Variants in PAQR5 observed in about 807,000 individuals in gnomAD.
PAQR5 encodes progestin and adipoQ receptor family member 5.
PAQR5 carries 20 observed loss-of-function variants against 34.5 expected under a neutral mutation model. The ratio of observed to expected loss-of-function variants is 0.58; its 90% CI spans 0.41 to 0.84. The LOEUF (loss-of-function observed/expected upper bound fraction) is 0.84. PAQR5 is among the 40% of genes least tolerant of loss of function. The probability of loss-of-function intolerance (pLI) is 0.00; values close to 1 mark genes in which losing one functional copy is unlikely to be tolerated. For missense variants in PAQR5, 378 were observed against 412.7 expected, an observed-to-expected ratio of 0.92 and a Z score of 0.73; for synonymous variants, 131 against 155.6, an observed-to-expected ratio of 0.84 and a Z score of 1.18.
intron 1 of PAQR5, among the ~76,000 whole-genome samples, chr15:69,322,744 A>G (rs994725125): frequency 0.028 from 1,101 of 39,636 alleles, 154 homozygotes; most frequent in African/African-American, 0.043. Flanking sequence ...GAAGAAGAAG[A>G]AGAAGAAGAA....
intron 2 of PAQR5, among the ~76,000 whole-genome samples, chr15:69,354,413 A>G (rs571245930): frequency 3.2e-4 from 49 of 152,312 alleles, no homozygotes; most frequent in East Asian, 1.7e-3. Context: ...TTGACCTTGT[A>G]TCAGTAGTTA....
chr15:69,396,346 C>A (rs941099581), intron 6 of PAQR5, among the ~76,000 whole-genome samples: 3 of 151,854 alleles, frequency 2.0e-5, no homozygotes, highest in Non-Finnish European at 4.4e-5. Flanking sequence ...GGAGCCACAG[C>A]AGGACACAGA....
intron 2 of PAQR5, among the ~76,000 whole-genome samples, chr15:69,355,618 A>C (rs1180643643): frequency 2.0e-5 from 3 of 151,816 alleles, no homozygotes; most frequent in Non-Finnish European, 4.4e-5. Context: ...ACAGGGTTTC[A>C]CCATGTTGGT....
At chr15:69,353,436 T>C (rs1354964394) in intron 2 of PAQR5, among the ~76,000 whole-genome samples, 1 of 152,270 alleles carries the variant, frequency 6.6e-6, no homozygotes, top group African/African-American at 2.4e-5. Flanking sequence ...AAACTCATTT[T>C]ACAGCCAAAG....
chr15:69,341,247 T>C (rs1470617400), intron 2 of PAQR5, among the ~76,000 whole-genome samples: 1 of 145,470 alleles, frequency 6.9e-6, no homozygotes, highest in Non-Finnish European at 1.5e-5. Context: ...ATTCCAGGCA[T>C]GTCATCTCAA....
intron 3 of PAQR5, among the ~76,000 whole-genome samples, chr15:69,374,458 C>G (rs965762620): frequency 2.6e-5 from 4 of 152,138 alleles, no homozygotes; most frequent in Non-Finnish European, 4.4e-5. Context: ...GGTGGATCAC[C>G]TGAGATCAGG....
rs141944244 is a variant in PAQR5 at position 69,354,619 on chromosome 15, G to A, written c.-115-5347G>A. On this transcript the variant is annotated intron_variant, in intron 2 of 8. Transcript: ENST00000395407. ...TTTGGAGATTAAATATGATTTAGGA[G>A]ATGCAGATGGGTACCAAGTTGACAG... 9.4e-4 allele frequency among the ~76,000 whole-genome samples: 143 copies of A among 152,280 alleles called. 1 individual carries two copies. Among genetic ancestry groups the A allele is most frequent in the Middle Eastern group, 3.4e-3 (1 of 294 alleles).
chr15:69,326,974 AC>A (rs1296467566), intron 1 of PAQR5, among the ~76,000 whole-genome samples: 1 of 150,716 alleles, frequency 6.6e-6, no homozygotes, highest in Non-Finnish European at 1.5e-5. Context: ...TCATGTTTCC[AC>A]CATTACAGTA....
intron 2 of PAQR5, among the ~76,000 whole-genome samples, chr15:69,349,094 T>G (rs1044384262): frequency 1.3e-5 from 2 of 152,036 alleles, no homozygotes; most frequent in Non-Finnish European, 2.9e-5. Flanking sequence ...GATTGGCTTG[T>G]GAGTCGGTGG....
intron 6 of PAQR5, among the ~76,000 whole-genome samples, chr15:69,392,337 C>G (rs1331251173): frequency 6.6e-6 from 1 of 152,122 alleles, no homozygotes; most frequent in African/African-American, 2.4e-5. Flanking sequence ...CGGATGGGGT[C>G]TTTTGGATGT....
At chr15:69,342,481 GCTGT>G (rs2054668427) in intron 2 of PAQR5, among the ~76,000 whole-genome samples, 2 of 152,160 alleles carry the variant, frequency 1.3e-5, no homozygotes, top group Non-Finnish European at 2.9e-5. Context: ...CATTCTGTGG[GCTGT>G]CTTTCACTCT....
rs1249802093 is a variant in PAQR5, at chr15:69,385,332, G to T, written c.385+450G>T. Among the ~76,000 whole-genome samples the T allele has an allele frequency of 1.3e-5, 2 of 152,182 alleles. No individual in the cohort carries two copies. Among genetic ancestry groups the T allele is most frequent in the South Asian group, 4.1e-4 (2 of 4,834 alleles). On this transcript the variant is annotated intron_variant, in intron 5 of 8. Transcript: ENST00000395407. This position sits in a 1 kb window ranked among gnomAD's most constrained non-coding sequence, Gnocchi z 4.7. ...TGATTTAATTTTTAATGATGGCTGT[G>T]TTCAGCACTCAGCTCTCTCACAGGC... is the stretch of plus-strand genomic sequence containing the variant.
Position 69,348,116 on chromosome 15 carries a change from A to G in PAQR5, c.-116+10615A>G, listed in dbSNP as rs535544156. On this transcript the variant is annotated intron_variant, in intron 2 of 8. Transcript: ENST00000395407. Reference sequence around the variant, plus strand: ...AGACCTTCAGGCAAACCAGAAACCAAAGGCCGCCTACTGGCTGTGTGATCT... The same window carrying G: ...AGACCTTCAGGCAAACCAGAAACCAGAGGCCGCCTACTGGCTGTGTGATCT... Among the ~76,000 whole-genome samples the G allele has an allele frequency of 1.1e-4, 17 of 149,680 alleles. No homozygotes were observed. In the South Asian group the frequency reaches 3.6e-3, roughly 31 times the overall value.
At chr15:69,384,317 T>C (rs552259245) in intron 4 of PAQR5, among the ~76,000 whole-genome samples, 68 of 80,298 alleles carry the variant, frequency 8.5e-4, no homozygotes, top group African/African-American at 3.3e-3. Context: ...CGTGGGTGAG[T>C]GGGCCCTCCG....
At chr15:69,300,888 TCTTTCTTC>T (rs1463450266) in intron 1 of PAQR5, among the ~76,000 whole-genome samples, 3 of 27,076 alleles carry the variant, frequency 1.1e-4, no homozygotes, top group Admixed American at 4.8e-4. Context: ...TTTCTTTCTT[TCTTTCTTC>T]CTTCCTTCCT....
chr15:69,387,524 C>T (rs975886179), intron 5 of PAQR5, among the ~76,000 whole-genome samples: 7 of 152,180 alleles, frequency 4.6e-5, no homozygotes, highest in African/African-American at 7.2e-5. Flanking sequence ...TGGCCTTAGT[C>T]GGCATCTGAG....
intron 2 of PAQR5, among the ~76,000 whole-genome samples, chr15:69,345,123 G>C (rs188720592): frequency 3.2e-4 from 48 of 148,778 alleles, no homozygotes; most frequent in Non-Finnish European, 5.1e-4. Flanking sequence ...AAAGAAAAGA[G>C]AAAGAAGAAA....
chr15:69,365,735 G>A (rs370639831), intron 3 of PAQR5, among the ~76,000 whole-genome samples: 2 of 152,204 alleles, frequency 1.3e-5, no homozygotes. Context: ...TATTCTATGG[G>A]GAAAAATATC....
At chr15:69,393,551 T>C (rs906968221) in intron 6 of PAQR5, among the ~76,000 whole-genome samples, 1 of 148,568 alleles carries the variant, frequency 6.7e-6, no homozygotes, top group Non-Finnish European at 1.5e-5. Flanking sequence ...GTCGATGCCT[T>C]AGTGTCTTCT....
Sources: gnomAD v4.1 joint callset for allele counts (sites outside exome capture counted in the v4.1 genomes callset) on GRCh38, gnomAD v4.1.1 for gene constraint, Gnocchi (gnomAD v3.1) non-coding constraint, MANE v1.5 for transcripts, NCBI Gene and HGNC (gene_info 2026-07-23, HGNC 2026-07-21) for gene names.